The following CSMD2 variants were observed in gnomAD, a reference collection of about 807,000 sequenced individuals.
The protein encoded by CSMD2 is CUB and sushi domain-containing protein 2.
A neutral mutation model predicts 398.5 loss-of-function variants in CSMD2; 130 were observed. The ratio of observed to expected loss-of-function variants is 0.33; its 90% CI spans 0.28 to 0.38. The LOEUF (loss-of-function observed/expected upper bound fraction) is 0.38, where lower values mean the gene tolerates loss of function less well. Ranked by LOEUF, CSMD2 falls within the 10% of genes least tolerant of loss-of-function variation. CSMD2 has a pLI of 1.00. For missense variants in CSMD2, 3,829 were observed against 4,764.9 expected (o/e 0.80, Z 5.78); for synonymous variants, 1,828 against 1,908.5 (o/e 0.96, Z 1.10).
intron 1 of CSMD2, among the ~76,000 whole-genome samples, chr1:34,158,388 G>T (rs951318584): frequency 3.9e-5 from 6 of 152,208 alleles, no homozygotes; most frequent in Non-Finnish European, 7.3e-5. Flanking sequence ...GAGGAGGGGT[G>T]CAAGGCCATA....
intron 51 of CSMD2, 104 bp downstream of exon 51, chr1:33,571,428 C>A: frequency 1.2e-6 from 1 of 845,484 alleles, no homozygotes; most frequent in Non-Finnish European, 1.6e-6. Flanking sequence ...ACTGCAATCC[C>A]TGGTGATACC....
intron 2 of CSMD2, among the ~76,000 whole-genome samples, chr1:34,076,862 T>C (rs922607010): frequency 3.2e-5 from 4 of 126,636 alleles, no homozygotes; most frequent in Admixed American, 3.0e-4. Context: ...TGTCATCTAC[T>C]GGCAAGACTG....
chr1:33,944,740 G>C (rs537367398), intron 3 of CSMD2, among the ~76,000 whole-genome samples: 59 of 152,186 alleles, frequency 3.9e-4, no homozygotes, highest in African/African-American at 1.4e-3. Context: ...TTTTTACAGG[G>C]AGGAAACTGA....
intron 4 of CSMD2, among the ~76,000 whole-genome samples, chr1:33,927,061 C>T (rs1033585022): frequency 6.6e-6 from 1 of 152,152 alleles, no homozygotes; most frequent in Non-Finnish European, 1.5e-5. Flanking sequence ...AATGAAGATG[C>T]CAACAGGCCC....
chr1:33,980,385 C>T (rs1053843962), intron 3 of CSMD2, among the ~76,000 whole-genome samples: 10 of 152,074 alleles, frequency 6.6e-5, no homozygotes, highest in Non-Finnish European at 1.5e-4. Context: ...AACAGGTTTC[C>T]TAGTAGGTCA....
chr1:33,654,691 A>C (rs1643896097), intron 27 of CSMD2, among the ~76,000 whole-genome samples: 1 of 152,230 alleles, frequency 6.6e-6, no homozygotes, highest in African/African-American at 2.4e-5. Flanking sequence ...CCAGCCTAGA[A>C]ACAGAGTCTG....
In CSMD2 at chr1:33,810,861, C is replaced by G. The variant is rs61771030; in HGVS notation, c.1328G>C (p.Arg443Pro). The change falls in exon 10 of 71, where the codon CGC becomes CCC. Residue 443 changes from arginine to proline, a missense_variant. Coordinates refer to ENST00000373381, the MANE Select transcript of CSMD2 (RefSeq NM_001281956.2). ...GCCTCGAAGGTGGGCATCACACATG[C>G]GGGCTGCAGAGGAGATGAAAGACAA... Reference protein sequence around the residue: ...WSDHRPVCRARMCDAHLRGPS... With the variant: ...WSDHRPVCRAPMCDAHLRGPS... 3 of 1,610,972 alleles carry G rather than the reference C, an allele frequency of 1.9e-6. No individual in the cohort carries two copies. Among genetic ancestry groups the G allele is most frequent in the South Asian group, 2.2e-5 (2 of 90,864 alleles).
intron 10 of CSMD2, among the ~76,000 whole-genome samples, chr1:33,805,792 A>G (rs1209848265): frequency 6.6e-6 from 1 of 152,138 alleles, no homozygotes; most frequent in East Asian, 1.9e-4. Flanking sequence ...AGCCAGGATG[A>G]GAGCCCTCAT....
At chr1:34,077,454 C>CT in intron 2 of CSMD2, among the ~76,000 whole-genome samples, 1 of 56,946 alleles carries the variant, frequency 1.8e-5, no homozygotes, top group Non-Finnish European at 3.0e-5. Context: ...GGAACTCCGT[C>CT]TCAAAAAAAA....
At chr1:34,060,093 G>C (rs1351658982) in intron 2 of CSMD2, among the ~76,000 whole-genome samples, 1 of 152,170 alleles carries the variant, frequency 6.6e-6, no homozygotes, top group Non-Finnish European at 1.5e-5. Flanking sequence ...CAGGAGCTGA[G>C]GATGAGGGCC....
chr1:33,918,058 G>C (rs1346302303), intron 5 of CSMD2, 36 bp downstream of exon 5: 1 of 1,591,048 alleles, frequency 6.3e-7, no homozygotes, highest in South Asian at 1.1e-5. Context: ...CAGTTGCAGA[G>C]AATAGGGTAG....
At chr1:34,046,935 T>C (rs532419357) in intron 2 of CSMD2, among the ~76,000 whole-genome samples, 26 of 152,214 alleles carry the variant, frequency 1.7e-4, no homozygotes. Flanking sequence ...CCTCCATCTC[T>C]TGCCTCAATT....
chr1:33,981,327 C>T (rs1322317797), intron 3 of CSMD2, among the ~76,000 whole-genome samples: 1 of 152,330 alleles, frequency 6.6e-6, no homozygotes, highest in East Asian at 1.9e-4. Context: ...CTGTTTGCAG[C>T]TTCCACCCTC....
At chr1:34,120,996 G>A (rs1230537396) in intron 1 of CSMD2, among the ~76,000 whole-genome samples, 1 of 151,918 alleles carries the variant, frequency 6.6e-6, no homozygotes, top group Non-Finnish European at 1.5e-5. Flanking sequence ...ATTTACTAAC[G>A]TATTTGTTTA....
At chr1:33,663,402 C>T (rs1167343659) in intron 25 of CSMD2, among the ~76,000 whole-genome samples, 3 of 152,026 alleles carry the variant, frequency 2.0e-5, no homozygotes, top group Non-Finnish European at 4.4e-5. Context: ...ACATAGCCCG[C>T]AGACCTCTCC....
Position 33,770,101 on chromosome 1 carries a change from C to T in CSMD2, c.1846+2468G>A, listed in dbSNP as rs75804838. Among the ~76,000 whole-genome samples, 1,147 of 152,318 alleles carry T rather than the reference C, an allele frequency of 7.5e-3. 14 individuals are homozygous for T. The highest frequency in any genetic ancestry group is 0.026 in the African/African-American group (1,100 of 41,570). ...GTATGACCTGCTCTGTAATGATCCA[C>T]TTTCAAAGTAGCTTCCAGGTATTTA... On this transcript the variant is annotated intron_variant, in intron 13 of 70. Coordinates refer to ENST00000373381, the MANE Select transcript of CSMD2 (RefSeq NM_001281956.2).
intron 44 of CSMD2, among the ~76,000 whole-genome samples, chr1:33,598,377 C>T (rs1639976261): frequency 6.6e-6 from 1 of 152,228 alleles, no homozygotes; most frequent in South Asian, 2.1e-4. Context: ...AGTTCCTCCT[C>T]TCTTGCCCCA....
intron 4 of CSMD2, among the ~76,000 whole-genome samples, chr1:33,935,013 TAAAAAAA>T (rs537683892): frequency 1.4e-4 from 6 of 42,328 alleles, no homozygotes; most frequent in Admixed American, 8.9e-4. Context: ...CAAATAAAAT[TAAAAAAA>T]AAAAAAAAAA....
At position 33,935,989 on chromosome 1, in the gene CSMD2, C is replaced by T. The variant is rs374836797; in HGVS notation, c.518-35G>A. 7.1e-5 allele frequency: 112 copies of T among 1,570,406 alleles called. 1 individual carries two copies. The highest frequency in any genetic ancestry group is 1.7e-4 in the Middle Eastern group (1 of 5,792). Reference sequence around the variant, plus strand: ...GAAACAGAGAAAGAGACGGGTACCCCGTGAGCTGGGCTGGAGCCCTGACAC... The same window carrying T: ...GAAACAGAGAAAGAGACGGGTACCCTGTGAGCTGGGCTGGAGCCCTGACAC... On this transcript the variant is annotated intron_variant, in intron 3 of 70. Coordinates refer to ENST00000373381, the MANE Select transcript of CSMD2 (RefSeq NM_001281956.2).
Sources: allele counts gnomAD v4.1 joint callset (sites outside exome capture counted in the v4.1 genomes callset), GRCh38; gene constraint gnomAD v4.1.1; transcripts MANE v1.5; gene names NCBI Gene and HGNC (gene_info 2026-07-23, HGNC 2026-07-21).